PLBD1: variants seen among roughly 807,000 people sequenced by gnomAD.
The protein encoded by PLBD1 is lysosomal leucine aminopeptidase.
A neutral mutation model predicts 63.0 loss-of-function variants in PLBD1; 60 were observed. That is an observed-to-expected ratio of 0.95 (90% CI 0.77 to 1.18). The LOEUF (loss-of-function observed/expected upper bound fraction) is 1.18, where lower values mean the gene tolerates loss of function less well. Among genes scored for constraint, PLBD1 ranks in the 50% most tolerant of loss-of-function variants. PLBD1 has a pLI of 0.00. For synonymous variants in PLBD1, 262 were observed against 248.0 expected, an observed-to-expected ratio of 1.06 and a Z score of -0.53; for missense variants, 598 against 677.9, an observed-to-expected ratio of 0.88 and a Z score of 1.31.
In PLBD1 at chr12:14,553,432, T is replaced by C. The variant is rs1945676300; in HGVS notation, c.116-20A>G. 6.3e-7 allele frequency: 1 copy of C among 1,584,048 alleles called. No individual in the cohort carries two copies. The highest frequency in any genetic ancestry group is 8.7e-7 in the Non-Finnish European group (1 of 1,153,586). ...AGACTCCTAGAAGAAAAGGGAATAA[T>C]GACAAAAACGCCATTCAAATGAGTT... On this transcript the variant is annotated intron_variant, in intron 1 of 10. Coordinates refer to ENST00000240617, the MANE Select transcript of PLBD1 (RefSeq NM_024829.6).
intron 10 of PLBD1, among the ~76,000 whole-genome samples, chr12:14,504,692 CAA>C (rs1945237321): frequency 6.6e-6 from 1 of 152,064 alleles, no homozygotes; most frequent in Non-Finnish European, 1.5e-5. Context: ...AGGGTGGTAA[CAA>C]GAGTCTGAAA....
At chr12:14,515,206 C>T (rs564983699) in intron 6 of PLBD1, among the ~76,000 whole-genome samples, 14 of 152,104 alleles carry the variant, frequency 9.2e-5, no homozygotes, top group African/African-American at 2.9e-4. Flanking sequence ...CATGTTGAGA[C>T]AGGGTGGAGT....
chr12:14,558,871 G>C (rs1396543088), intron 1 of PLBD1, among the ~76,000 whole-genome samples: 1 of 152,078 alleles, frequency 6.6e-6, no homozygotes, highest in Non-Finnish European at 1.5e-5. Flanking sequence ...CTCCATGAAT[G>C]AAAAAACCTT....
At chr12:14,519,342 C>T (rs2098542) in intron 6 of PLBD1, among the ~76,000 whole-genome samples, 60,400 of 151,854 alleles carry the variant, frequency 0.4, 12,588 homozygotes, top group Non-Finnish European at 0.47. Flanking sequence ...GGAAGTGAGC[C>T]GGGCGTGGTG....
At chr12:14,528,239 T>C (rs945743094) in intron 6 of PLBD1, among the ~76,000 whole-genome samples, 1 of 152,138 alleles carries the variant, frequency 6.6e-6, no homozygotes, top group African/African-American at 2.4e-5. Context: ...TTGCACTGAC[T>C]GACATTTACA....
intron 6 of PLBD1, among the ~76,000 whole-genome samples, chr12:14,520,998 T>C (rs769025402): frequency 7.9e-5 from 12 of 152,300 alleles, no homozygotes; most frequent in Non-Finnish European, 1.5e-4. Flanking sequence ...GCCACTACTA[T>C]AGTACACTGT....
At chr12:14,541,025 T>C (rs1302513504) in intron 3 of PLBD1, 123 bp from the exon 4 acceptor site, 7 of 1,069,094 alleles carry the variant, frequency 6.5e-6, no homozygotes, top group African/African-American at 1.6e-5. Flanking sequence ...ATTCTAGATC[T>C]TGTAACACTC....
chr12:14,514,219 G>GA (rs1945321735), intron 6 of PLBD1, among the ~76,000 whole-genome samples: 1 of 152,210 alleles, frequency 6.6e-6, no homozygotes, highest in South Asian at 2.1e-4. Flanking sequence ...CACCTCTCTA[G>GA]AAAGACATGA....
At chr12:14,524,247 T>C (rs1485696889) in intron 6 of PLBD1, among the ~76,000 whole-genome samples, 1 of 152,100 alleles carries the variant, frequency 6.6e-6, no homozygotes, top group African/African-American at 2.4e-5. Flanking sequence ...CACAGTAGGC[T>C]TACTATAGTT....
intron 4 of PLBD1, among the ~76,000 whole-genome samples, chr12:14,540,037 T>C (rs1234333903): frequency 1.3e-5 from 1 of 78,410 alleles, no homozygotes; most frequent in Non-Finnish European, 2.8e-5. Flanking sequence ...TATATATATA[T>C]ATATATATAT....
At chr12:14,535,228 A>C (rs867934708) in intron 6 of PLBD1, among the ~76,000 whole-genome samples, 1 of 152,230 alleles carries the variant, frequency 6.6e-6, no homozygotes, top group East Asian at 1.9e-4. Flanking sequence ...CAATTTATTA[A>C]GTACTCAATG....
intron 1 of PLBD1, 28 bp downstream of exon 1, chr12:14,567,554 C>A: frequency 2.0e-6 from 3 of 1,474,812 alleles, no homozygotes. Context: ...TCCCCGGGCG[C>A]CCCCCGCCCA....
chr12:14,560,129 G>T (rs1373301292), intron 1 of PLBD1, among the ~76,000 whole-genome samples: 1 of 152,092 alleles, frequency 6.6e-6, no homozygotes, highest in African/African-American at 2.4e-5. Flanking sequence ...CAAAGTGCTG[G>T]GATTACAGGC....
intron 8 of PLBD1, among the ~76,000 whole-genome samples, chr12:14,508,995 C>T (rs1042763452): frequency 6.7e-5 from 10 of 149,362 alleles, no homozygotes; most frequent in Non-Finnish European, 8.9e-5. Flanking sequence ...TGCCCACCCC[C>T]GACCCCGACG....
At chr12:14,511,868 T>C (rs1049846093) in intron 6 of PLBD1, among the ~76,000 whole-genome samples, 157 bp from the exon 7 acceptor site, 5 of 152,208 alleles carry the variant, frequency 3.3e-5, no homozygotes, top group African/African-American at 4.8e-5. Context: ...TTGGCTCACC[T>C]CTGTGGTAGT....
At chr12:14,509,517 A>G (rs1945280080) in intron 8 of PLBD1, among the ~76,000 whole-genome samples, 1 of 152,232 alleles carries the variant, frequency 6.6e-6, no homozygotes, top group Admixed American at 6.5e-5. Context: ...AGGTAGGTCC[A>G]CTGCTTGGTA....
intron 2 of PLBD1, among the ~76,000 whole-genome samples, chr12:14,550,195 T>C (rs911056162): frequency 1.3e-5 from 2 of 152,246 alleles, no homozygotes; most frequent in African/African-American, 4.8e-5. Flanking sequence ...TACTTATGGC[T>C]AACAAGCTCT....
At position 14,547,102 on chromosome 12, in the gene PLBD1, A is replaced by G. The variant is rs1021296388; in HGVS notation, c.336-4811T>C. Among the ~76,000 whole-genome samples the G allele has an allele frequency of 4.7e-5, 7 of 148,114 alleles. No homozygotes were observed. In the Admixed American group the frequency reaches 4.7e-4, roughly 10 times the overall value. ...ACCATGTTGGTCAGGCTGGTTTTGAACTCCCGACCTCAGGTGATCCGCCTG... is the reference window on the plus strand; with the variant it reads ...ACCATGTTGGTCAGGCTGGTTTTGAGCTCCCGACCTCAGGTGATCCGCCTG... On this transcript the variant is annotated intron_variant, in intron 2 of 10. Coordinates refer to ENST00000240617, the MANE Select transcript of PLBD1 (RefSeq NM_024829.6).
chr12:14,517,151 TTG>T (rs1945343029), intron 6 of PLBD1, among the ~76,000 whole-genome samples: 1 of 152,140 alleles, frequency 6.6e-6, no homozygotes, highest in Non-Finnish European at 1.5e-5. Context: ...AGTTTTTTGT[TTG>T]TGTTTGTGTT....
Sources: gnomAD v4.1 joint callset for allele counts (sites outside exome capture counted in the v4.1 genomes callset) on GRCh38, gnomAD v4.1.1 for gene constraint, MANE v1.5 for transcripts, NCBI Gene and HGNC (gene_info 2026-07-23, HGNC 2026-07-21) for gene names.